DNAH2: variants seen among roughly 807,000 people sequenced by gnomAD.
The protein encoded by DNAH2 is axonemal beta dynein heavy chain 2.
DNAH2 carries 323 observed loss-of-function variants against 523.5 expected under a neutral mutation model. The observed-to-expected ratio is 0.62, with a 90% CI of 0.56 to 0.68. The LOEUF (loss-of-function observed/expected upper bound fraction) is 0.68. Among genes scored for constraint, DNAH2 ranks in the 30% least tolerant of loss-of-function variants. The pLI is 0.00. For synonymous variants in DNAH2, 2,093 were observed against 2,177.4 expected (o/e 0.96, Z 1.08); for missense variants, 4,907 against 5,701.5 (o/e 0.86, Z 4.49).
intron 49 of DNAH2, among the ~76,000 whole-genome samples, chr17:7,795,833 C>G (rs1483878264): frequency 6.8e-6 from 1 of 147,350 alleles, no homozygotes; most frequent in African/African-American, 2.5e-5. Flanking sequence ...CCTGTCTCTA[C>G]TAAAAATACA....
At chr17:7,741,978 C>A (rs985354801) in intron 11 of DNAH2, among the ~76,000 whole-genome samples, 2 of 151,854 alleles carry the variant, frequency 1.3e-5, no homozygotes, top group East Asian at 2.0e-4. Flanking sequence ...TTAGGAATTT[C>A]ATATCAGGCT....
rs768649872 is a variant in DNAH2, at chr17:7,807,147, CAG to C, written c.9443-2_9443-1del. The stretch of plus-strand genomic sequence containing the variant: ...GCTAAGGCCCCTAATTTTCATCCCA[CAG>C]GGGAACAGAACTTCATCAAGTCACT... On this transcript the variant is annotated splice_acceptor_variant, in intron 61 of 85. Transcript: ENST00000572933. LOFTEE classifies it high-confidence loss of function. The surrounding 1 kb of genome is among the most constrained non-coding windows in gnomAD (Gnocchi z 5.6). 6 of 1,604,252 alleles carry C rather than the reference CAG, an allele frequency of 3.7e-6. No homozygotes were observed. The highest frequency in any genetic ancestry group is 4.2e-6 in the Non-Finnish European group (5 of 1,179,696).
In DNAH2 at chr17:7,770,400, A is replaced by G. The variant is rs1166184904; in HGVS notation, c.4090A>G (p.Ile1364Val). Reference sequence around the variant, plus strand: ...TGCTTCAGCAACTAAAGAGCTGGCTATAGAAGTGGTACGACAGTCCCCTCC... The same window carrying G: ...TGCTTCAGCAACTAAAGAGCTGGCTGTAGAAGTGGTACGACAGTCCCCTCC... The part of the protein sequence containing the change: ...ISASATKELA[I>V]EVALQNIAKT... Residue 1364 changes from isoleucine to valine, a missense_variant, in exon 25 of 86, where the codon ATA becomes GTA. Transcript: ENST00000572933. The G allele has an allele frequency of 1.9e-6, 3 of 1,612,968 alleles. No homozygotes were observed. The highest frequency in any genetic ancestry group is 2.5e-6 in the Non-Finnish European group (3 of 1,179,410).
rs200425167 is a variant in DNAH2, at chr17:7,818,914, C to T, written c.10671-5C>T. 3 of 1,611,418 alleles carry T rather than the reference C, an allele frequency of 1.9e-6. No homozygotes were observed. The highest frequency in any genetic ancestry group is 1.3e-5 in the African/African-American group (1 of 74,884). On this transcript the variant is annotated splice_polypyrimidine_tract_variant and splice_region_variant and intron_variant, in intron 70 of 85. Coordinates refer to ENST00000572933, the MANE Select transcript of DNAH2 (RefSeq NM_020877.5). ...TGCTCCATGTGCCTCTGGGCCTCCCCCTAGGCTGCTGAATGAGGCCACCGG... is the reference window on the plus strand; with the variant it reads ...TGCTCCATGTGCCTCTGGGCCTCCCTCTAGGCTGCTGAATGAGGCCACCGG...
chr17:7,765,406 G>A lies in DNAH2; in HGVS notation c.3352G>A (p.Asp1118Asn), dbSNP rs1205298343. 6.2e-7 allele frequency: 1 copy of A among 1,613,640 alleles called. No individual in the cohort carries two copies. The highest frequency in any genetic ancestry group is 1.3e-5 in the African/African-American group (1 of 75,046). The change falls in exon 21 of 86, where the codon GAC (aspartate) becomes AAC (asparagine). Residue 1118 changes from aspartate to asparagine, a missense_variant. By Grantham distance (23) the Asp-to-Asn change is conservative. Coordinates refer to ENST00000572933, the MANE Select transcript of DNAH2 (RefSeq NM_020877.5). ...ACTCCCCCAGGTCCTGGAGATGCTG[G>A]ACAGTCTCAACGGGGAGTGGGTTGT... ...PVEDSVLEML[D>N]SLNGEWVVFQ...
chr17:7,718,515 G>A lies in DNAH2; in HGVS notation c.-299G>A, dbSNP rs955739962. ...TTTGCGCCTGGGATTCTGAGCACCTGTCCGAGATCCCCGCTTCCTGCCATC... is the reference window on the plus strand; with the variant it reads ...TTTGCGCCTGGGATTCTGAGCACCTATCCGAGATCCCCGCTTCCTGCCATC... On this transcript the variant is annotated 5_prime_UTR_variant, in exon 1 of 86. Coordinates refer to ENST00000572933, the MANE Select transcript of DNAH2 (RefSeq NM_020877.5). The A allele has an allele frequency of 1.3e-5, 2 of 152,168 alleles. No homozygotes were observed. The highest frequency in any genetic ancestry group is 4.8e-5 in the African/African-American group (2 of 41,424). The allele number at this position is 152,168 out of a possible 1,614,324, so 9.4% of individuals were successfully genotyped here.
At chr17:7,746,711 G>T (rs1383264160) in intron 12 of DNAH2, among the ~76,000 whole-genome samples, 2 of 152,150 alleles carry the variant, frequency 1.3e-5, no homozygotes, top group Non-Finnish European at 2.9e-5. Flanking sequence ...GAAATGGCTG[G>T]CATGGTGGCT....
rs778856645 is a variant in DNAH2, at chr17:7,733,156, A to G, written c.469A>G (p.Thr157Ala). Residue 157 changes from threonine (T) to alanine (A), a missense_variant, in exon 5 of 86, where the codon ACT (threonine) becomes GCT (alanine). Around this residue, in one of 3 missense-constraint regions of DNAH2, gnomAD observed 2,806 missense variants for 3,190.8 expected, o/e 0.88. Transcript: ENST00000572933. ...CATCACCTGGGAGAACTTCGAGGCA[A>G]CTGTGCAGTTTGGGACGGTGCGGGG... is the stretch of plus-strand genomic sequence containing the variant. ...VPITWENFEA[T>A]VQFGTVRGPY... The G allele has an allele frequency of 1.2e-6, 2 of 1,614,192 alleles. No homozygotes were observed. The highest frequency in any genetic ancestry group is 2.2e-5 in the East Asian group (1 of 44,876).
intron 12 of DNAH2, among the ~76,000 whole-genome samples, chr17:7,747,411 T>C (rs1206935472): frequency 6.6e-6 from 1 of 152,190 alleles, no homozygotes; most frequent in Non-Finnish European, 1.5e-5. Flanking sequence ...CAGTCTACTA[T>C]TGATGGACTT....
At chr17:7,751,944 T>TGTGTGC (rs2075695331) in intron 12 of DNAH2, among the ~76,000 whole-genome samples, 4 of 150,662 alleles carry the variant, frequency 2.7e-5, no homozygotes, top group Admixed American at 2.7e-4. Context: ...TGTGTGTGTG[T>TGTGTGC]GTGCGTGTTT....
Position 7,758,566 on chromosome 17 carries a change from T to TC in DNAH2, c.2125dup (p.His709ProfsTer35), listed in dbSNP as rs2075910056. ...CGTATTCGGCTCCTGGATAAGAAGATCCACCCGGGACTCAAGAAACTGCAC... is the reference window on the plus strand; with the variant it reads ...CGTATTCGGCTCCTGGATAAGAAGATCCCACCCGGGACTCAAGAAACTGCAC... On this transcript the variant is annotated frameshift_variant, in exon 14 of 86. Coordinates refer to ENST00000572933, the MANE Select transcript of DNAH2 (RefSeq NM_020877.5). LOFTEE classifies it high-confidence loss of function. 1.2e-6 allele frequency: 2 copies of TC among 1,613,996 alleles called. No homozygotes were observed. The highest frequency in any genetic ancestry group is 1.7e-5 in the Admixed American group (1 of 59,992).
At position 7,833,601 on chromosome 17, in the gene DNAH2, C is replaced by T; in HGVS notation, c.*68C>T. 6.3e-7 allele frequency: 1 copy of T among 1,599,128 alleles called. No individual in the cohort carries two copies. On this transcript the variant is annotated 3_prime_UTR_variant, in exon 86 of 86. Transcript: ENST00000572933. ...CCAGGAGCTAAGACAGATGTTGCACCTAGGACTGAGGCCGGACCTCACTCA... is the reference window on the plus strand; with the variant it reads ...CCAGGAGCTAAGACAGATGTTGCACTTAGGACTGAGGCCGGACCTCACTCA...
chr17:7,742,840 A>T, intron 11 of DNAH2, 88 bp from the exon 12 acceptor site: 1 of 841,604 alleles, frequency 1.2e-6, no homozygotes, highest in African/African-American at 1.8e-5. Flanking sequence ...GTATGTGCGC[A>T]TGCGCGCATG....
Position 7,792,297 on chromosome 17 carries a change from A to T in DNAH2, c.7099A>T (p.Thr2367Ser). ...YFVDPKIRSW[T>S]SFEDKLPKSW... ...TGTGGACCCCAAAATACGGAGTTGG[A>T]CATCATTTGAGGACAAGCTCCCTAA... Residue 2367 changes from threonine (T) to serine (S), a missense_variant, in exon 46 of 86, where the codon ACA (threonine) becomes TCA (serine). Around this residue, in one of 3 missense-constraint regions of DNAH2, gnomAD observed 2,806 missense variants for 3,190.8 expected, o/e 0.88. Coordinates refer to ENST00000572933, the MANE Select transcript of DNAH2 (RefSeq NM_020877.5). 2 of 1,613,974 alleles carry T rather than the reference A, an allele frequency of 1.2e-6. No individual in the cohort carries two copies. The highest frequency in any genetic ancestry group is 1.7e-6 in the Non-Finnish European group (2 of 1,179,980).
chr17:7,764,249 G>C lies in DNAH2; in HGVS notation c.3312G>C (p.Lys1104Asn), dbSNP rs773595089. The part of the protein sequence containing the change: ...PIHEQFAILE[K>N]YEVPVEDSVL... ...ACGAGCAATTTGCCATTCTTGAAAA[G>C]TACGAGGTGCCAGTCGAGGACAGTG... The change falls in exon 20 of 86, where the codon AAG becomes AAC. Residue 1104 changes from lysine (K) to asparagine (N), a missense_variant. Lys to Asn is a moderately conservative substitution (Grantham distance 94). This residue lies in a region of DNAH2 where 2,806 missense variants were observed against 3,190.8 expected (regional missense o/e 0.88). Coordinates refer to ENST00000572933, the MANE Select transcript of DNAH2 (RefSeq NM_020877.5). 6.2e-7 allele frequency: 1 copy of C among 1,612,076 alleles called. No individual in the cohort carries two copies. The highest frequency in any genetic ancestry group is 8.5e-7 in the Non-Finnish European group (1 of 1,178,928).
In DNAH2 at chr17:7,763,914, A is replaced by G. The variant is rs2076078076; in HGVS notation, c.3062A>G (p.Lys1021Arg). ...GTGCTGCTGGACTGTTCGCACCTCA[A>G]GTTCTCCCTGGTGCAGCACTGCAAT... ...QFVLLDCSHL[K>R]FSLVQHCNEW... Residue 1021 changes from lysine to arginine, a missense_variant, in exon 19 of 86, where the codon AAG becomes AGG. Physicochemically the swap from Lys to Arg is conservative, Grantham distance 26. Transcript: ENST00000572933. 5 of 1,614,104 alleles carry G rather than the reference A, an allele frequency of 3.1e-6. No homozygotes were observed. The highest frequency in any genetic ancestry group is 1.3e-5 in the African/African-American group (1 of 74,930).
intron 64 of DNAH2, among the ~76,000 whole-genome samples, chr17:7,816,951 G>A (rs771784912): frequency 2.0e-5 from 3 of 152,218 alleles, no homozygotes; most frequent in Non-Finnish European, 2.9e-5. Context: ...ATCTGCTTCA[G>A]TGTTTGGGCA....
chr17:7,789,961 T>C (rs536221567), intron 44 of DNAH2, among the ~76,000 whole-genome samples: 1 of 152,282 alleles, frequency 6.6e-6, no homozygotes, highest in East Asian at 1.9e-4. Context: ...TGGTCCTAGG[T>C]ATCTTAATTC....
rs201346992 is a variant in DNAH2, at chr17:7,792,786, C to T, written c.7275C>T (p.Ile2425=). The part of the protein sequence containing the change: ...VGPVGTGKTS[I]AQSVLQSLPS... Reference sequence around the variant, plus strand: ...CCGTGGGGACTGGGAAGACCTCCATCGCCCAGAGCGTTCTGCAGTCCCTGC... The same window carrying T: ...CCGTGGGGACTGGGAAGACCTCCATTGCCCAGAGCGTTCTGCAGTCCCTGC... The change falls in exon 47 of 86, where the codon ATC becomes ATT. Residue 2425 remains isoleucine, a synonymous_variant. Transcript: ENST00000572933. 21 of 1,614,210 alleles carry T rather than the reference C, an allele frequency of 1.3e-5. No individual in the cohort carries two copies. The highest frequency in any genetic ancestry group is 1.6e-4 in the Middle Eastern group (1 of 6,062).
Sources: gnomAD v4.1 joint callset for allele counts (sites outside exome capture counted in the v4.1 genomes callset) on GRCh38, gnomAD v4.1.1 for gene constraint, gnomAD v4.1.1 regional missense constraint, Gnocchi (gnomAD v3.1) non-coding constraint, MANE v1.5 for transcripts, NCBI Gene and HGNC (gene_info 2026-07-23, HGNC 2026-07-21) for gene names.